Variants in TSEN2 observed in about 807,000 individuals in gnomAD.
TSEN2 encodes tRNA-splicing endonuclease subunit Sen2.
In TSEN2, 54 loss-of-function variants were observed where a neutral mutation model predicts 59.2. The ratio of observed to expected loss-of-function variants is 0.91; its 90% confidence interval spans 0.73 to 1.14. The LOEUF (loss-of-function observed/expected upper bound fraction) is 1.14. Ranked by LOEUF, TSEN2 falls within the 50% of genes most tolerant of loss-of-function variation. The pLI, the probability that TSEN2 is intolerant of heterozygous loss-of-function variation, is 0.00. For missense variants in TSEN2, 636 were observed against 576.2 expected (o/e 1.10, Z -1.06); for synonymous variants, 195 against 198.2 (o/e 0.98, Z 0.14).
intron 8 of TSEN2, among the ~76,000 whole-genome samples, chr3:12,522,854 C>T (rs1163154595): frequency 6.6e-6 from 1 of 152,170 alleles, no homozygotes; most frequent in Admixed American, 6.5e-5. Context: ...CTGGGGAAGC[C>T]AGGCCAGAAG....
intron 8 of TSEN2, among the ~76,000 whole-genome samples, chr3:12,520,785 C>CA (rs1005958945): frequency 6.7e-4 from 95 of 141,354 alleles, no homozygotes; most frequent in African/African-American, 2.2e-3. Context: ...GACTCCACCT[C>CA]AAAAAAAAAA....
In TSEN2 at chr3:12,533,018, C is replaced by G; in HGVS notation, c.*297C>G. 2.1e-6 allele frequency: 1 copy of G among 481,290 alleles called. No homozygotes were observed. The highest frequency in any genetic ancestry group is 2.3e-5 in the South Asian group (1 of 43,570). 29.8% of individuals were successfully genotyped at this position (481,290 alleles called of 1,614,324 possible). A position where few individuals can be genotyped will look rare whatever the true frequency, so the allele number is the denominator to read the frequency against. On this transcript the variant is annotated 3_prime_UTR_variant, in exon 12 of 12. Coordinates refer to ENST00000284995, the MANE Select transcript of TSEN2 (RefSeq NM_025265.4). ...ACTGGGGAGATTGGACTAGAGGAGT[C>G]CTGAGAGGACACTTCCAACAAGAGA...
chr3:12,508,684 C>G (rs2055096438), intron 6 of TSEN2, among the ~76,000 whole-genome samples: 1 of 152,160 alleles, frequency 6.6e-6, no homozygotes, highest in South Asian at 2.1e-4. Flanking sequence ...TTTGCCTTGA[C>G]TCATTCAGAA....
At position 12,532,825 on chromosome 3, in the gene TSEN2, G is replaced by A. The variant is rs1275646125; in HGVS notation, c.*104G>A. 26 of 1,082,172 alleles carry A rather than the reference G, an allele frequency of 2.4e-5. No individual in the cohort carries two copies. The highest frequency in any genetic ancestry group is 7.7e-5 in the South Asian group (6 of 78,394). The allele number at this position is 1,082,172 out of a possible 1,614,324, so 67.0% of individuals were successfully genotyped here. On this transcript the variant is annotated 3_prime_UTR_variant, in exon 12 of 12. Coordinates refer to ENST00000284995, the MANE Select transcript of TSEN2 (RefSeq NM_025265.4). ...TCCATTAATTCATAAGTTTTAAAGG[G>A]CATGGTGCTCCCAGCACCAGAAAAC...
chr3:12,517,458 G>T (rs1361799581), intron 7 of TSEN2, among the ~76,000 whole-genome samples: 2 of 151,270 alleles, frequency 1.3e-5, no homozygotes, highest in Non-Finnish European at 2.9e-5. Context: ...ATAAATATTC[G>T]AACCTATGTC....
chr3:12,488,473 A>G (rs137921026), intron 1 of TSEN2, among the ~76,000 whole-genome samples: 1 of 152,214 alleles, frequency 6.6e-6, no homozygotes, highest in Non-Finnish European at 1.5e-5. Flanking sequence ...TTGTTTTCCC[A>G]TGTATATGGT....
downstream of TSEN2, among the ~76,000 whole-genome samples, chr3:12,535,045 G>A (rs1449907847): frequency 6.6e-6 from 1 of 151,826 alleles, no homozygotes; most frequent in South Asian, 2.1e-4. Context: ...AAAAAAATTT[G>A]TCTTAATCAT....
At chr3:12,504,656 G>A (rs1435046266) in intron 5 of TSEN2, among the ~76,000 whole-genome samples, 2 of 152,082 alleles carry the variant, frequency 1.3e-5, no homozygotes, top group Non-Finnish European at 2.9e-5. Flanking sequence ...AAATTCACAG[G>A]GGAAAAAGGA....
At chr3:12,531,116 A>C (rs2057429993) in intron 10 of TSEN2, 4 of 160,138 alleles carry the variant, frequency 2.5e-5, no homozygotes, top group South Asian at 1.8e-4. Context: ...ATGAGAACTC[A>C]CTGTCACAAG....
At chr3:12,506,016 T>C (rs2054791366) in intron 6 of TSEN2, among the ~76,000 whole-genome samples, 1 of 152,068 alleles carries the variant, frequency 6.6e-6, no homozygotes, top group Non-Finnish European at 1.5e-5. Flanking sequence ...TGCTGACTGG[T>C]GATGCCGGGG....
chr3:12,523,293 A>T (rs909728809), intron 8 of TSEN2, among the ~76,000 whole-genome samples: 1 of 152,110 alleles, frequency 6.6e-6, no homozygotes, highest in African/African-American at 2.4e-5. Flanking sequence ...TTGACTGATA[A>T]GTATGATTTC....
intron 10 of TSEN2, chr3:12,530,425 G>A: frequency 1.0e-6 from 1 of 985,506 alleles, no homozygotes; most frequent in Non-Finnish European, 1.2e-6. Flanking sequence ...ACAGCTCTCT[G>A]GCTCCCTGGC....
intron 4 of TSEN2, among the ~76,000 whole-genome samples, chr3:12,499,370 C>G (rs531939511): frequency 4.6e-5 from 7 of 152,276 alleles, no homozygotes; most frequent in African/African-American, 1.2e-4. Flanking sequence ...AGGAAAAGAC[C>G]TAGTCCCTGT....
intron 3 of TSEN2, among the ~76,000 whole-genome samples, chr3:12,494,197 C>T (rs1181228993): frequency 6.6e-6 from 1 of 152,152 alleles, no homozygotes; most frequent in African/African-American, 2.4e-5. Flanking sequence ...GAACAACTTA[C>T]ATGTTCATCA....
chr3:12,487,341 G>A (rs2052721908), intron 1 of TSEN2, among the ~76,000 whole-genome samples: 1 of 152,218 alleles, frequency 6.6e-6, no homozygotes, highest in South Asian at 2.1e-4. Flanking sequence ...GGAGTACAGA[G>A]TTCTTTCGAT....
At chr3:12,496,168 A>G (rs754061707) in intron 3 of TSEN2, among the ~76,000 whole-genome samples, 8 of 152,178 alleles carry the variant, frequency 5.3e-5, no homozygotes, top group Admixed American at 2.0e-4. Context: ...TGAAGTGCAT[A>G]CCTCTAGGGC....
At chr3:12,513,241 A>G (rs2125115343) in intron 6 of TSEN2, among the ~76,000 whole-genome samples, 1 of 152,310 alleles carries the variant, frequency 6.6e-6, no homozygotes, top group Non-Finnish European at 1.5e-5. Context: ...AAGAACTTAC[A>G]TTTTAGCAGA....
chr3:12,523,708 T>G (rs2056856591), intron 8 of TSEN2, among the ~76,000 whole-genome samples: 1 of 151,472 alleles, frequency 6.6e-6, no homozygotes, highest in Admixed American at 6.6e-5. Context: ...CCCAGCTAAT[T>G]TTTGTATTTT....
At chr3:12,499,722 G>A (rs1220822976) in intron 4 of TSEN2, among the ~76,000 whole-genome samples, 2 of 152,180 alleles carry the variant, frequency 1.3e-5, no homozygotes, top group African/African-American at 4.8e-5. Flanking sequence ...CCAGTGCTAA[G>A]TATCGTGCCA....
Sources: gnomAD v4.1 joint callset for allele counts (sites outside exome capture counted in the v4.1 genomes callset) on GRCh38, gnomAD v4.1.1 for gene constraint, MANE v1.5 for transcripts, NCBI Gene and HGNC (gene_info 2026-07-23, HGNC 2026-07-21) for gene names.